The following NTM variants were observed in gnomAD, a reference collection of about 807,000 sequenced individuals.
NTM encodes IgLON family member 2.
In NTM, 13 loss-of-function variants were observed where a neutral mutation model predicts 42.1. The ratio of observed to expected loss-of-function variants is 0.31; its 90% CI spans 0.20 to 0.49. NTM has a LOEUF of 0.49. Among genes scored for constraint, NTM ranks in the 20% least tolerant of loss-of-function variants. The probability of loss-of-function intolerance (pLI) is 0.99; values close to 1 mark genes in which losing one functional copy is unlikely to be tolerated. For missense variants in NTM, 373 were observed against 452.8 expected, an observed-to-expected ratio of 0.82 and a Z score of 1.60; for synonymous variants, 187 against 179.2, an observed-to-expected ratio of 1.04 and a Z score of -0.35.
At chr11:131,956,156 C>T (rs984652157) in intron 2 of NTM, among the ~76,000 whole-genome samples, 1 of 152,110 alleles carries the variant, frequency 6.6e-6, no homozygotes, top group Non-Finnish European at 1.5e-5. Flanking sequence ...CTATAGAGAC[C>T]CAGTCAGGGC....
At chr11:132,077,829 T>C (rs1253857646) in intron 2 of NTM, among the ~76,000 whole-genome samples, 1 of 152,196 alleles carries the variant, frequency 6.6e-6, no homozygotes, top group African/African-American at 2.4e-5. Context: ...TCAAACTCCT[T>C]GCCTCAAGCA....
chr11:131,858,549 G>T (rs773533573), intron 1 of NTM, among the ~76,000 whole-genome samples: 1 of 152,138 alleles, frequency 6.6e-6, no homozygotes, highest in Non-Finnish European at 1.5e-5. Flanking sequence ...GAGGTTTTCC[G>T]CACGCTGGTG....
chr11:131,661,805 G>C (rs1592417194), intron 1 of NTM, among the ~76,000 whole-genome samples: 2 of 151,998 alleles, frequency 1.3e-5, no homozygotes, highest in East Asian at 3.9e-4. Context: ...TGATATAATT[G>C]ACTGATGGCT....
At position 132,333,808 on chromosome 11, in the gene NTM, A is replaced by C. The variant is rs1350551414; in HGVS notation, c.968-1238A>C. ...CGCCCCCAAATTAGGGATTTATCCC[A>C]AAAGGCCAAGACATAAAATCATATG... On this transcript the variant is annotated intron_variant, in intron 8 of 8. Transcript: ENST00000683400. Among the ~76,000 whole-genome samples the C allele has an allele frequency of 2.6e-5, 4 of 152,234 alleles. No individual in the cohort carries two copies. The East Asian group carries it at 7.7e-4, about 29-fold the overall frequency.
At chr11:131,888,723 A>C (rs1433050264) in intron 1 of NTM, among the ~76,000 whole-genome samples, 1 of 152,138 alleles carries the variant, frequency 6.6e-6, no homozygotes, top group Non-Finnish European at 1.5e-5. Context: ...TAGAAATAGC[A>C]GAACAATTGC....
chr11:132,322,368 G>A (rs1162932798), intron 7 of NTM, among the ~76,000 whole-genome samples: 1 of 149,054 alleles, frequency 6.7e-6, no homozygotes, highest in Admixed American at 6.7e-5. Flanking sequence ...AAAAAGGCAG[G>A]GGTTGCAATC....
intron 3 of NTM, among the ~76,000 whole-genome samples, chr11:132,178,327 G>A (rs969687760): frequency 6.6e-6 from 1 of 152,104 alleles, no homozygotes; most frequent in Non-Finnish European, 1.5e-5. Flanking sequence ...AAAGCTACAA[G>A]GCTTCCTTTT....
At chr11:131,599,292 C>T (rs1465269620) in intron 1 of NTM, among the ~76,000 whole-genome samples, 1 of 150,398 alleles carries the variant, frequency 6.6e-6, no homozygotes, top group African/African-American at 2.5e-5. Flanking sequence ...CCTGTCTACC[C>T]AGTCTCCGGC....
rs150731033 is a variant in NTM at position 131,969,137 on chromosome 11, A to G, written c.167+57489A>G. Among the ~76,000 whole-genome samples the G allele has an allele frequency of 9.2e-4, 140 of 152,320 alleles. 4 individuals carry two copies. In the East Asian group the frequency reaches 0.026, roughly 28 times the overall value. On this transcript the variant is annotated intron_variant, in intron 2 of 8. Coordinates refer to ENST00000683400, the MANE Select transcript of NTM (RefSeq NM_001352005.2). ...TTAAGGAATAATAGTACAAAGACTG[A>G]AGTCATTACAGGAATAATCAGAAGT...
At chr11:131,773,802 T>C (rs1370987788) in intron 1 of NTM, among the ~76,000 whole-genome samples, 1 of 152,212 alleles carries the variant, frequency 6.6e-6, no homozygotes, top group Non-Finnish European at 1.5e-5. Context: ...AACCTGACTG[T>C]GTTCCAACTT....
At chr11:131,911,453 G>C (rs764896779) in intron 1 of NTM, 111 bp from the exon 2 acceptor site, 1 of 1,613,800 alleles carries the variant, frequency 6.2e-7, no homozygotes, top group Non-Finnish European at 8.5e-7. Context: ...TGCGGCTGCC[G>C]GAGTTCGGGG....
chr11:132,313,238 C>T (rs1412320572), intron 6 of NTM, among the ~76,000 whole-genome samples: 1 of 152,072 alleles, frequency 6.6e-6, no homozygotes, highest in African/African-American at 2.4e-5. Context: ...ATACATTATA[C>T]TGATGCCATT....
At chr11:131,574,807 A>G (rs561112793) in intron 1 of NTM, among the ~76,000 whole-genome samples, 1 of 152,130 alleles carries the variant, frequency 6.6e-6, no homozygotes, top group Admixed American at 6.5e-5. Context: ...AGCAGCCTCA[A>G]AGTCCCTTGG....
intron 2 of NTM, among the ~76,000 whole-genome samples, chr11:132,143,469 A>G (rs2076162747): frequency 6.6e-6 from 1 of 152,248 alleles, no homozygotes; most frequent in African/African-American, 2.4e-5. Context: ...AAAAACTGGC[A>G]TGAATCCTGC....
At chr11:131,829,484 C>A (rs1779507599) in intron 1 of NTM, among the ~76,000 whole-genome samples, 1 of 152,118 alleles carries the variant, frequency 6.6e-6, no homozygotes, top group South Asian at 2.1e-4. Flanking sequence ...ATAATGGTAT[C>A]CAGCTGCATA....
intron 1 of NTM, among the ~76,000 whole-genome samples, chr11:131,441,219 C>G (rs144331041): frequency 6.6e-6 from 1 of 152,160 alleles, no homozygotes; most frequent in Non-Finnish European, 1.5e-5. Context: ...TGAGCTGATG[C>G]GTCTCCAACC....
intron 2 of NTM, among the ~76,000 whole-genome samples, chr11:131,920,150 T>C (rs2057013013): frequency 6.6e-6 from 1 of 152,120 alleles, no homozygotes; most frequent in Admixed American, 6.6e-5. Context: ...ATGCATAGAT[T>C]TCGGAGTGCC....
At chr11:132,119,340 C>T (rs1041344089) in intron 2 of NTM, among the ~76,000 whole-genome samples, 1 of 93,014 alleles carries the variant, frequency 1.1e-5, no homozygotes, top group Admixed American at 9.8e-5. Flanking sequence ...AACCATCACT[C>T]CTTGTACTCC....
chr11:132,275,740 A>ATATATGTATATATATACGTATATATACG (rs1565363175), intron 4 of NTM, among the ~76,000 whole-genome samples: 5 of 32,828 alleles, frequency 1.5e-4, no homozygotes, highest in Non-Finnish European at 2.2e-4. Context: ...ATATACGTAT[A>ATATATGTATATATATACGTATATATACG]TATATATGTG....
Sources: gnomAD v4.1 joint callset for allele counts (sites outside exome capture counted in the v4.1 genomes callset) on GRCh38, gnomAD v4.1.1 for gene constraint, MANE v1.5 for transcripts, NCBI Gene and HGNC (gene_info 2026-07-23, HGNC 2026-07-21) for gene names.